The following CNTNAP2 variants were observed in gnomAD, a reference collection of about 807,000 sequenced individuals.
CNTNAP2 encodes the protein contactin associated protein 2.
In CNTNAP2, 98 loss-of-function variants were observed where a neutral mutation model predicts 155.2. The ratio of observed to expected loss-of-function variants is 0.63; its 90% CI spans 0.54 to 0.75. The LOEUF is 0.75. Among genes scored for constraint, CNTNAP2 ranks in the 30% least tolerant of loss-of-function variants. The probability of loss-of-function intolerance (pLI) is 0.00; values close to 1 mark genes in which losing one functional copy is unlikely to be tolerated. For synonymous variants in CNTNAP2, 651 were observed against 631.2 expected (o/e 1.03, Z -0.47); for missense variants, 1,727 against 1,688.1 (o/e 1.02, Z -0.40).
chr7:146,271,620 T>C (rs996883499), intron 1 of CNTNAP2, among the ~76,000 whole-genome samples: 3 of 151,796 alleles, frequency 2.0e-5, no homozygotes, highest in Non-Finnish European at 4.4e-5. Context: ...CTATTTTAGT[T>C]TTCAAATATT....
intron 1 of CNTNAP2, among the ~76,000 whole-genome samples, chr7:146,247,682 A>C (rs1247061056): frequency 1.3e-5 from 2 of 152,178 alleles, no homozygotes; most frequent in African/African-American, 2.4e-5. Context: ...TTTTCTGGCT[A>C]TTTGGAACTA....
At chr7:146,403,744 C>T (rs2129109016) in intron 1 of CNTNAP2, among the ~76,000 whole-genome samples, 1 of 152,048 alleles carries the variant, frequency 6.6e-6, no homozygotes, top group Non-Finnish European at 1.5e-5. Flanking sequence ...CACTATTGGA[C>T]AAAACAAAAT....
chr7:146,947,554 TGTGTATATATATATATATATAC>T (rs1345150828), intron 3 of CNTNAP2, among the ~76,000 whole-genome samples: 6 of 37,906 alleles, frequency 1.6e-4, no homozygotes, highest in African/African-American at 3.8e-4. Context: ...TGTGTGTGTG[TGTGTATATATATATATATATAC>T]ATATATATAT....
At chr7:146,791,251 C>T (rs922324149) in intron 2 of CNTNAP2, among the ~76,000 whole-genome samples, 1 of 152,124 alleles carries the variant, frequency 6.6e-6, no homozygotes, top group Non-Finnish European at 1.5e-5. Context: ...TCATCCATGT[C>T]CCTGCAAAGG....
chr7:147,053,144 G>T (rs1799502821), intron 4 of CNTNAP2, among the ~76,000 whole-genome samples: 1 of 152,028 alleles, frequency 6.6e-6, no homozygotes, highest in Non-Finnish European at 1.5e-5. Context: ...GCACATGATA[G>T]ATACTTTCAC....
intron 1 of CNTNAP2, among the ~76,000 whole-genome samples, chr7:146,165,502 G>C (rs574541584): frequency 1.3e-5 from 2 of 152,258 alleles, no homozygotes; most frequent in South Asian, 2.1e-4. Flanking sequence ...AGTTATCCAA[G>C]TGTGATGCTC....
chr7:147,028,048 A>G (rs938322271), intron 3 of CNTNAP2, among the ~76,000 whole-genome samples: 2 of 152,176 alleles, frequency 1.3e-5, no homozygotes, highest in Admixed American at 1.3e-4. Context: ...TCAGTCTCCA[A>G]TATTTAGATG....
intron 1 of CNTNAP2, among the ~76,000 whole-genome samples, chr7:146,291,052 A>G (rs1800420987): frequency 6.6e-6 from 1 of 152,188 alleles, no homozygotes; most frequent in South Asian, 2.1e-4. Context: ...GCTTTTCTCC[A>G]TTTCCTAGAA....
At chr7:146,946,293 T>C (rs889492457) in intron 3 of CNTNAP2, among the ~76,000 whole-genome samples, 3 of 152,166 alleles carry the variant, frequency 2.0e-5, no homozygotes, top group Non-Finnish European at 2.9e-5. Context: ...CTATTTCCTC[T>C]TCCCTGTCTG....
intron 1 of CNTNAP2, among the ~76,000 whole-genome samples, chr7:146,127,973 A>G (rs981740024): frequency 3.9e-5 from 6 of 152,114 alleles, no homozygotes; most frequent in Non-Finnish European, 8.8e-5. Flanking sequence ...CTTCTATTCT[A>G]TTTGTTTATA....
At chr7:146,161,353 C>A (rs1341339303) in intron 1 of CNTNAP2, among the ~76,000 whole-genome samples, 3 of 152,012 alleles carry the variant, frequency 2.0e-5, no homozygotes, top group African/African-American at 4.8e-5. Flanking sequence ...CTGGCCAGGG[C>A]AATCAGGCAA....
chr7:147,286,343 T>A (rs1805177279), intron 8 of CNTNAP2, among the ~76,000 whole-genome samples: 1 of 152,020 alleles, frequency 6.6e-6, no homozygotes, highest in African/African-American at 2.4e-5. Context: ...AATGATACAA[T>A]AACAATCTTA....
At chr7:146,630,052 G>A (rs1475395652) in intron 1 of CNTNAP2, among the ~76,000 whole-genome samples, 1 of 151,686 alleles carries the variant, frequency 6.6e-6, no homozygotes, top group African/African-American at 2.4e-5. Flanking sequence ...TACCTAGGTG[G>A]TTTGCTGCAC....
At chr7:148,169,892 G>A (rs546124564) in intron 17 of CNTNAP2, among the ~76,000 whole-genome samples, 269 of 152,150 alleles carry the variant, frequency 1.8e-3, no homozygotes, top group African/African-American at 6.2e-3. Flanking sequence ...CCCGGGAGGC[G>A]GAGGTTGCAG....
At chr7:147,251,588 C>A (rs1804199724) in intron 8 of CNTNAP2, among the ~76,000 whole-genome samples, 1 of 152,070 alleles carries the variant, frequency 6.6e-6, no homozygotes, top group Non-Finnish European at 1.5e-5. Flanking sequence ...TAGCTCATGG[C>A]TTTGATGATT....
chr7:148,369,045 T>A (rs999527080), intron 21 of CNTNAP2, among the ~76,000 whole-genome samples: 2 of 152,088 alleles, frequency 1.3e-5, no homozygotes, highest in African/African-American at 4.8e-5. Flanking sequence ...AGAGGGTCTG[T>A]CTCTCTTCTC....
At chr7:147,707,705 G>T (rs1408527504) in intron 13 of CNTNAP2, among the ~76,000 whole-genome samples, 1 of 152,204 alleles carries the variant, frequency 6.6e-6, no homozygotes, top group Non-Finnish European at 1.5e-5. Context: ...CAGCAGCATG[G>T]AATGGGTGAT....
rs568610988 is a variant in CNTNAP2 at position 147,182,341 on chromosome 7, T to C, written c.1348+49832T>C. On this transcript the variant is annotated intron_variant, in intron 8 of 23. Transcript: ENST00000361727. ...TGTTTTTTGGGGTCTTTGTGTTAAT[T>C]TGTTATTTTTTAAATTACTGTTTTA... Among the ~76,000 whole-genome samples the C allele has an allele frequency of 1.2e-4, 18 of 152,206 alleles. No individual in the cohort carries two copies. The East Asian group carries it at 3.5e-3, about 29-fold the overall frequency.
chr7:147,118,729 G>T (rs529084665), intron 5 of CNTNAP2, among the ~76,000 whole-genome samples: 1 of 152,060 alleles, frequency 6.6e-6, no homozygotes, highest in African/African-American at 2.4e-5. Flanking sequence ...TAAAAAACTG[G>T]TAAGTATTTG....
Sources: gnomAD v4.1 joint callset for allele counts (sites outside exome capture counted in the v4.1 genomes callset) on GRCh38, gnomAD v4.1.1 for gene constraint, MANE v1.5 for transcripts, NCBI Gene and HGNC (gene_info 2026-07-23, HGNC 2026-07-21) for gene names.